The following KCNC2 variants were observed in gnomAD, a reference collection of about 807,000 sequenced individuals.
KCNC2 encodes the protein voltage-gated potassium channel KCNC2.
A neutral mutation model predicts 44.5 loss-of-function variants in KCNC2; 21 were observed. The ratio of observed to expected loss-of-function variants is 0.47; its 90% CI spans 0.33 to 0.68. The LOEUF is 0.68. KCNC2 is among the 30% of genes least tolerant of loss of function. The probability of loss-of-function intolerance (pLI) is 0.01; values close to 1 mark genes in which losing one functional copy is unlikely to be tolerated. For synonymous variants in KCNC2, 391 were observed against 339.1 expected (o/e 1.15, Z -1.68); for missense variants, 589 against 826.2 (o/e 0.71, Z 3.52).
rs1313998973 is a variant in KCNC2, at chr12:75,201,262, G to GAAAA, written c.687+6031_687+6034dup. ...GGGCAGAAAGTTACAAACGAAATTG[G>GAAAA]AAAAAAAAAAAAAAAAAAAAAAAAA... On this transcript the variant is annotated intron_variant, in intron 2 of 4. Coordinates refer to ENST00000549446, the MANE Select transcript of KCNC2 (RefSeq NM_139137.4). 1.2e-3 allele frequency among the ~76,000 whole-genome samples: 23 copies of GAAAA among 18,446 alleles called. 8 individuals are homozygous for GAAAA. The highest frequency in any genetic ancestry group is 5.4e-3 in the South Asian group (2 of 368). The allele number at this position is 18,446 out of a possible 152,430, so 12.1% of individuals were successfully genotyped here. A position where few individuals can be genotyped will look rare whatever the true frequency, so the allele number is the denominator to read the frequency against.
intron 2 of KCNC2, among the ~76,000 whole-genome samples, chr12:75,075,464 T>C (rs201440229): frequency 1.7e-3 from 3 of 1,810 alleles, no homozygotes; most frequent in East Asian, 0.028. Context: ...TATACATATA[T>C]ATATATATAT....
chr12:75,100,553 AC>A (rs60159839), intron 2 of KCNC2, among the ~76,000 whole-genome samples: 29,892 of 151,966 alleles, frequency 0.2, 3,498 homozygotes, highest in African/African-American at 0.31. Flanking sequence ...AATTTTATAA[AC>A]CTTTAACTTT....
intron 2 of KCNC2, among the ~76,000 whole-genome samples, chr12:75,200,084 A>G (rs1483628962): frequency 6.6e-6 from 1 of 151,814 alleles, no homozygotes; most frequent in Non-Finnish European, 1.5e-5. Context: ...CAAATCCCTA[A>G]AATAATGACA....
chr12:75,188,563 T>TA (rs1396788496), intron 2 of KCNC2, among the ~76,000 whole-genome samples: 6 of 151,884 alleles, frequency 4.0e-5, no homozygotes, highest in Non-Finnish European at 5.9e-5. Flanking sequence ...AGTACATCCA[T>TA]AAAAAAATAA....
At chr12:75,161,812 T>C (rs774960058) in intron 2 of KCNC2, among the ~76,000 whole-genome samples, 3 of 151,668 alleles carry the variant, frequency 2.0e-5, no homozygotes, top group Non-Finnish European at 2.9e-5. Flanking sequence ...TATTCTCCTA[T>C]CCATGAAGAA....
rs1015622731 is a variant in KCNC2, at chr12:75,091,912, T to C, written c.688-40595A>G. On this transcript the variant is annotated intron_variant, in intron 2 of 4. Coordinates refer to ENST00000549446, the MANE Select transcript of KCNC2 (RefSeq NM_139137.4). ...AAGATCTAAACTATTTTCTAATTTA[T>C]GGTAAATAATGAAGTACTCAATTAT... 2.0e-5 allele frequency among the ~76,000 whole-genome samples: 3 copies of C among 151,772 alleles called. 1 individual carries two copies. The highest frequency in any genetic ancestry group is 4.4e-5 in the Non-Finnish European group (3 of 67,764).
intron 2 of KCNC2, among the ~76,000 whole-genome samples, chr12:75,177,055 TATACAC>T (rs748832907): frequency 1.4e-5 from 2 of 147,048 alleles, no homozygotes; most frequent in Admixed American, 7.0e-5. Flanking sequence ...TATATATATA[TATACAC>T]ACACACACTG....
At chr12:75,183,657 A>G (rs369709031) in intron 2 of KCNC2, among the ~76,000 whole-genome samples, 7 of 152,216 alleles carry the variant, frequency 4.6e-5, no homozygotes, top group African/African-American at 9.6e-5. Flanking sequence ...TTCAAGTCCA[A>G]CTGAATGATA....
At chr12:75,109,784 C>A (rs1887079281) in intron 2 of KCNC2, among the ~76,000 whole-genome samples, 1 of 151,992 alleles carries the variant, frequency 6.6e-6, no homozygotes, top group Admixed American at 6.6e-5. Flanking sequence ...AGACCCAGAA[C>A]TGAAGGCTTT....
chr12:75,086,404 A>G (rs543812770), intron 2 of KCNC2, among the ~76,000 whole-genome samples: 4 of 152,146 alleles, frequency 2.6e-5, no homozygotes, highest in African/African-American at 7.2e-5. Flanking sequence ...TATCAGACAA[A>G]TTTAACTAAG....
chr12:75,187,245 G>C (rs1893015733), intron 2 of KCNC2, among the ~76,000 whole-genome samples: 1 of 152,134 alleles, frequency 6.6e-6, no homozygotes, highest in Non-Finnish European at 1.5e-5. Flanking sequence ...GTACCCAAAT[G>C]CAATTTATTT....
intron 2 of KCNC2, among the ~76,000 whole-genome samples, chr12:75,094,595 A>G (rs1044831840): frequency 6.6e-6 from 1 of 151,786 alleles, no homozygotes; most frequent in African/African-American, 2.4e-5. Context: ...TCTGCCACCC[A>G]GTGAAATGCT....
At chr12:75,161,619 T>G (rs1399822581) in intron 2 of KCNC2, among the ~76,000 whole-genome samples, 1 of 151,790 alleles carries the variant, frequency 6.6e-6, no homozygotes, top group Non-Finnish European at 1.5e-5. Flanking sequence ...CTAATCACCT[T>G]GGTAAAATTT....
chr12:75,042,224 G>A lies in KCNC2; in HGVS notation c.*881C>T. The A allele has an allele frequency of 6.4e-7, 1 of 1,550,710 alleles. No homozygotes were observed. Among genetic ancestry groups the A allele is most frequent in the Non-Finnish European group, 8.7e-7 (1 of 1,151,568 alleles). ...CCTGGGTATTTTTTTTTTTTAAAGA[G>A]TCTAGAACCAAGCAGCAATTTCTGG... On this transcript the variant is annotated 3_prime_UTR_variant, in exon 5 of 5. Coordinates refer to ENST00000549446, the MANE Select transcript of KCNC2 (RefSeq NM_139137.4).
At chr12:75,161,572 C>T (rs1335960857) in intron 2 of KCNC2, among the ~76,000 whole-genome samples, 2 of 151,696 alleles carry the variant, frequency 1.3e-5, no homozygotes, top group Admixed American at 1.3e-4. Context: ...TTGCCATCTT[C>T]TCCTCTAGGA....
chr12:75,065,690 T>C (rs1458742186), intron 2 of KCNC2, among the ~76,000 whole-genome samples: 2 of 152,204 alleles, frequency 1.3e-5, no homozygotes, highest in Non-Finnish European at 2.9e-5. Context: ...CCTAGAAGTG[T>C]AGTAGGCAAT....
At chr12:75,142,668 G>A (rs1042072544) in intron 2 of KCNC2, among the ~76,000 whole-genome samples, 2 of 152,148 alleles carry the variant, frequency 1.3e-5, no homozygotes, top group African/African-American at 4.8e-5. Flanking sequence ...TTGTTAGCTG[G>A]GAGTCAGCCA....
At chr12:75,086,904 A>C (rs1052470087) in intron 2 of KCNC2, among the ~76,000 whole-genome samples, 1 of 151,850 alleles carries the variant, frequency 6.6e-6, no homozygotes, top group African/African-American at 2.4e-5. Flanking sequence ...TATTTTTACA[A>C]TGTTTGTAAA....
intron 2 of KCNC2, among the ~76,000 whole-genome samples, chr12:75,178,307 C>G (rs1593036411): frequency 6.6e-6 from 1 of 151,818 alleles, no homozygotes; most frequent in Admixed American, 6.6e-5. Flanking sequence ...GAAAATAGAC[C>G]TGTTATAATA....
Sources: gnomAD v4.1 joint callset for allele counts (sites outside exome capture counted in the v4.1 genomes callset) on GRCh38, gnomAD v4.1.1 for gene constraint, MANE v1.5 for transcripts, NCBI Gene and HGNC (gene_info 2026-07-23, HGNC 2026-07-21) for gene names.